Variants in ASTN2 observed in about 807,000 individuals in gnomAD.
ASTN2 encodes astrotactin-2.
Under a neutral mutation model 139.8 loss-of-function variants are expected in ASTN2, and 54 were observed. The observed-to-expected ratio is 0.39, with a 90% CI of 0.31 to 0.48. The LOEUF (loss-of-function observed/expected upper bound fraction) is 0.48, where lower values mean the gene tolerates loss of function less well. Ranked by LOEUF, ASTN2 falls within the 20% of genes least tolerant of loss-of-function variation. The pLI is 0.95. For synonymous variants in ASTN2, 756 were observed against 719.5 expected, an observed-to-expected ratio of 1.05 and a Z score of -0.81; for missense variants, 1,565 against 1,725.1, an observed-to-expected ratio of 0.91 and a Z score of 1.64.
At chr9:117,052,824 G>C (rs985222571) in intron 5 of ASTN2, among the ~76,000 whole-genome samples, 1 of 152,208 alleles carries the variant, frequency 6.6e-6, no homozygotes, top group African/African-American at 2.4e-5. Context: ...AAGGTCATAC[G>C]CCTAGTAAGC....
At position 116,511,127 on chromosome 9, in the gene ASTN2, T is replaced by C. The variant is rs544727895; in HGVS notation, c.3356-23627A>G. Among the ~76,000 whole-genome samples, 320 of 152,314 alleles carry C rather than the reference T, an allele frequency of 2.1e-3. 1 individual carries two copies. Among genetic ancestry groups the C allele is most frequent in the African/African-American group, 7.4e-3 (309 of 41,578 alleles). On this transcript the variant is annotated intron_variant, in intron 19 of 22. Transcript: ENST00000313400. ...CATTTTTTGCCCATTCAGTATGATATTGGCTGTGGGTCTGTCATAGATAGC... is the reference window on the plus strand; with the variant it reads ...CATTTTTTGCCCATTCAGTATGATACTGGCTGTGGGTCTGTCATAGATAGC...
chr9:116,951,337 CAAAAAAAAAAAAAAAAAA>C (rs386416039), intron 10 of ASTN2, among the ~76,000 whole-genome samples: 3 of 34,060 alleles, frequency 8.8e-5, no homozygotes, highest in African/African-American at 4.9e-4. Context: ...AACTCTGTCT[CAAAAAAAAAAAAAAAAAA>C]AAAAAAAAAA....
chr9:117,016,641 T>TGTTAC (rs1837702068), intron 6 of ASTN2, among the ~76,000 whole-genome samples: 1 of 23,602 alleles, frequency 4.2e-5, no homozygotes, highest in African/African-American at 1.1e-4. Flanking sequence ...TATATATATA[T>TGTTAC]ATATATATAT....
At chr9:116,622,041 T>A (rs1856182710) in intron 17 of ASTN2, among the ~76,000 whole-genome samples, 1 of 152,234 alleles carries the variant, frequency 6.6e-6, no homozygotes, top group South Asian at 2.1e-4. Context: ...TTCCTATTTT[T>A]CATTTCTTTC....
At chr9:117,194,461 T>A (rs1428624231) in intron 3 of ASTN2, among the ~76,000 whole-genome samples, 1 of 152,174 alleles carries the variant, frequency 6.6e-6, no homozygotes, top group African/African-American at 2.4e-5. Context: ...ATAGAAGCTA[T>A]CAGAACATGG....
chr9:117,097,913 A>T (rs1327430413), intron 4 of ASTN2, among the ~76,000 whole-genome samples: 3 of 152,210 alleles, frequency 2.0e-5, no homozygotes, highest in Non-Finnish European at 4.4e-5. Context: ...CTATGTACCT[A>T]GAAGATTTGT....
chr9:117,255,801 C>T (rs1473396611), intron 2 of ASTN2, among the ~76,000 whole-genome samples: 1 of 152,126 alleles, frequency 6.6e-6, no homozygotes, highest in Non-Finnish European at 1.5e-5. Context: ...AGGAAGAAGG[C>T]TCAGCTCTCT....
intron 10 of ASTN2, 117 bp from the exon 11 acceptor site, chr9:116,863,850 T>C: frequency 9.1e-7 from 1 of 1,103,286 alleles, no homozygotes; most frequent in Non-Finnish European, 1.3e-6. Flanking sequence ...AGGAAAACAA[T>C]AATAATCAAT....
intron 20 of ASTN2, among the ~76,000 whole-genome samples, chr9:116,444,585 G>A (rs546627594): frequency 6.6e-6 from 1 of 152,212 alleles, no homozygotes; most frequent in South Asian, 2.1e-4. Context: ...GGCCCTTCCA[G>A]CTTTGACTTC....
At chr9:117,373,849 AAC>A (rs1343205136) in intron 1 of ASTN2, among the ~76,000 whole-genome samples, 1 of 152,240 alleles carries the variant, frequency 6.6e-6, no homozygotes, top group Non-Finnish European at 1.5e-5. Flanking sequence ...TTTGGGGGAA[AAC>A]ACAAATTAGC....
intron 1 of ASTN2, among the ~76,000 whole-genome samples, chr9:117,386,879 C>A (rs1270317548): frequency 6.6e-6 from 1 of 152,184 alleles, no homozygotes; most frequent in African/African-American, 2.4e-5. Context: ...AGAAGAGCAA[C>A]ACTTTGTGTT....
intron 21 of ASTN2, 128 bp from the exon 22 acceptor site, chr9:116,440,920 A>C: frequency 1.1e-6 from 1 of 879,402 alleles, no homozygotes. Flanking sequence ...GAGCAGACAA[A>C]CCTTAATTTC....
intron 2 of ASTN2, among the ~76,000 whole-genome samples, chr9:117,227,527 AATAG>A (rs1333233595): frequency 6.6e-6 from 1 of 152,200 alleles, no homozygotes; most frequent in African/African-American, 2.4e-5. Flanking sequence ...TACATGAGTA[AATAG>A]ATAGATGTCT....
At chr9:116,512,945 T>C (rs916426991) in intron 19 of ASTN2, among the ~76,000 whole-genome samples, 2 of 152,210 alleles carry the variant, frequency 1.3e-5, no homozygotes, top group Non-Finnish European at 2.9e-5. Flanking sequence ...GGGTCTTGAC[T>C]CTTTATCCAA....
chr9:117,017,066 G>T (rs941774031), intron 6 of ASTN2, among the ~76,000 whole-genome samples: 6 of 151,780 alleles, frequency 4.0e-5, no homozygotes, highest in Non-Finnish European at 7.4e-5. Context: ...GACAAAAAAG[G>T]TTTGAAGTTT....
At chr9:116,654,271 AG>A (rs1858086641) in intron 16 of ASTN2, among the ~76,000 whole-genome samples, 1 of 152,216 alleles carries the variant, frequency 6.6e-6, no homozygotes, top group Non-Finnish European at 1.5e-5. Flanking sequence ...AATAGCTGCA[AG>A]GACAGAATTG....
intron 19 of ASTN2, among the ~76,000 whole-genome samples, chr9:116,617,085 TG>T (rs1855896233): frequency 6.6e-6 from 1 of 152,206 alleles, no homozygotes; most frequent in Non-Finnish European, 1.5e-5. Context: ...CAGTCAATAA[TG>T]TGGAAAAAGC....
chr9:117,037,804 A>C (rs73519394), intron 6 of ASTN2, among the ~76,000 whole-genome samples: 2 of 152,064 alleles, frequency 1.3e-5, no homozygotes, highest in African/African-American at 4.8e-5. Context: ...CTACTCCTCC[A>C]TTGCCATTTT....
chr9:116,810,689 T>C (rs1015973327), intron 12 of ASTN2, among the ~76,000 whole-genome samples: 1 of 152,190 alleles, frequency 6.6e-6, no homozygotes, highest in Admixed American at 6.6e-5. Flanking sequence ...ATTTGCTCAG[T>C]TTGGGTATTA....
Sources: allele counts gnomAD v4.1 joint callset (sites outside exome capture counted in the v4.1 genomes callset), GRCh38; gene constraint gnomAD v4.1.1; transcripts MANE v1.5; gene names NCBI Gene and HGNC (gene_info 2026-07-23, HGNC 2026-07-21).